The following LMX1A variants were observed in gnomAD, a reference collection of about 807,000 sequenced individuals.
LMX1A encodes LIM homeobox transcription factor 1 alpha.
Under a neutral mutation model 49.1 loss-of-function variants are expected in LMX1A, and 15 were observed. The ratio of observed to expected loss-of-function variants is 0.31; its 90% CI spans 0.20 to 0.47. The LOEUF (loss-of-function observed/expected upper bound fraction) is 0.47, where lower values mean the gene tolerates loss of function less well. Among genes scored for constraint, LMX1A ranks in the 20% least tolerant of loss-of-function variants. The pLI is 1.00. For missense variants in LMX1A, 372 were observed against 475.8 expected (o/e 0.78, Z 2.03); for synonymous variants, 167 against 185.7 (o/e 0.90, Z 0.82).
rs1214573751 is a variant in LMX1A, at chr1:165,356,572, T to C, written c.-240A>G. On this transcript the variant is annotated 5_prime_UTR_variant, in exon 1 of 9. Coordinates refer to ENST00000342310, the MANE Select transcript of LMX1A (RefSeq NM_177398.4). ...GGGACGTGGTCGCGAGCTGCCGGCC[T>C]TCCCGGGACGTCCTACCAGCCCGCG... 6.6e-6 allele frequency: 1 copy of C among 152,180 alleles called. No individual in the cohort carries two copies. Among genetic ancestry groups the C allele is most frequent in the African/African-American group, 2.4e-5 (1 of 41,436 alleles). The allele number at this position is 152,180 out of a possible 1,614,324, so 9.4% of individuals were successfully genotyped here.
At chr1:165,208,284 C>G (rs1557847820) in intron 6 of LMX1A, 152 bp from the exon 7 acceptor site, 2 of 634,524 alleles carry the variant, frequency 3.2e-6, no homozygotes, top group East Asian at 2.7e-5. Flanking sequence ...GTGGCCAGCC[C>G]CATATGCGAG....
chr1:165,350,738 T>C (rs1249528298), intron 3 of LMX1A, among the ~76,000 whole-genome samples: 1 of 152,196 alleles, frequency 6.6e-6, no homozygotes, highest in East Asian at 1.9e-4. Context: ...AAGCAACTGA[T>C]GGGCTAAGCA....
chr1:165,210,414 C>T (rs1368270295), intron 6 of LMX1A, among the ~76,000 whole-genome samples: 1 of 152,150 alleles, frequency 6.6e-6, no homozygotes, highest in Non-Finnish European at 1.5e-5. Flanking sequence ...CATGCTTTTA[C>T]CAAAAGACAC....
At chr1:165,338,689 C>T (rs762774365) in intron 3 of LMX1A, among the ~76,000 whole-genome samples, 1 of 152,198 alleles carries the variant, frequency 6.6e-6, no homozygotes, top group Non-Finnish European at 1.5e-5. Flanking sequence ...TAGAAAAATC[C>T]ATTCCATGAA....
chr1:165,345,344 T>A (rs937895405), intron 3 of LMX1A, among the ~76,000 whole-genome samples: 6 of 152,166 alleles, frequency 3.9e-5, no homozygotes, highest in Non-Finnish European at 8.8e-5. Flanking sequence ...AACCTGGTGC[T>A]AAGAGATGAA....
intron 3 of LMX1A, among the ~76,000 whole-genome samples, chr1:165,304,203 C>T (rs1208723818): frequency 2.0e-5 from 3 of 151,984 alleles, no homozygotes; most frequent in African/African-American, 7.3e-5. Flanking sequence ...AAAGTGGGAA[C>T]AATAATAGAG....
At chr1:165,292,861 G>A (rs924189178) in intron 3 of LMX1A, among the ~76,000 whole-genome samples, 1 of 152,138 alleles carries the variant, frequency 6.6e-6, no homozygotes, top group East Asian at 1.9e-4. Flanking sequence ...GCTCACGCCT[G>A]TAATCCCAGC....
intron 3 of LMX1A, among the ~76,000 whole-genome samples, chr1:165,280,906 C>T (rs759807095): frequency 6.6e-6 from 1 of 152,016 alleles, no homozygotes; most frequent in Non-Finnish European, 1.5e-5. Flanking sequence ...GCCTTCGTAA[C>T]AGTCAATGGG....
intron 8 of LMX1A, among the ~76,000 whole-genome samples, chr1:165,204,664 T>C (rs1650999371): frequency 6.6e-6 from 1 of 152,146 alleles, no homozygotes; most frequent in South Asian, 2.1e-4. Flanking sequence ...TTCAAGTAAA[T>C]AGGAGAGGTG....
chr1:165,354,235 C>T (rs1656524157), intron 2 of LMX1A, among the ~76,000 whole-genome samples: 2 of 152,212 alleles, frequency 1.3e-5, no homozygotes, highest in Admixed American at 1.3e-4. Flanking sequence ...CTGCACTCTT[C>T]TCATTCTCCC....
chr1:165,222,108 C>T (rs1651873174), intron 4 of LMX1A, among the ~76,000 whole-genome samples: 1 of 152,172 alleles, frequency 6.6e-6, no homozygotes, highest in Admixed American at 6.5e-5. Context: ...GTCAGAACTG[C>T]AAATACTGGC....
chr1:165,242,985 G>T (rs1032849955), intron 4 of LMX1A, among the ~76,000 whole-genome samples: 2 of 150,508 alleles, frequency 1.3e-5, no homozygotes, highest in Admixed American at 6.6e-5. Flanking sequence ...GCAGCACGAT[G>T]TACTGGATTC....
At chr1:165,292,786 T>A (rs1654510760) in intron 3 of LMX1A, among the ~76,000 whole-genome samples, 1 of 152,156 alleles carries the variant, frequency 6.6e-6, no homozygotes, top group Admixed American at 6.5e-5. Flanking sequence ...TCTGTTGTCT[T>A]GGGCTTTACC....
At chr1:165,208,218 C>T (rs558377336) in intron 6 of LMX1A, 86 bp from the exon 7 acceptor site, 5 of 1,239,810 alleles carry the variant, frequency 4.0e-6, no homozygotes, top group African/African-American at 1.5e-5. Flanking sequence ...GTGACACCTT[C>T]CCCGGGAGAG....
chr1:165,221,625 A>G (rs934319752), intron 4 of LMX1A, among the ~76,000 whole-genome samples: 1 of 152,170 alleles, frequency 6.6e-6, no homozygotes, highest in Non-Finnish European at 1.5e-5. Flanking sequence ...CGGGCAGGTC[A>G]GAGGCAGGGC....
intron 4 of LMX1A, among the ~76,000 whole-genome samples, chr1:165,215,796 C>G (rs1461845342): frequency 6.6e-6 from 1 of 152,176 alleles, no homozygotes; most frequent in Admixed American, 6.5e-5. Context: ...AGGTTTCCAT[C>G]CCAGTTCTGA....
intron 3 of LMX1A, among the ~76,000 whole-genome samples, chr1:165,305,696 T>TA (rs1457654351): frequency 1.5e-4 from 23 of 152,312 alleles, no homozygotes; most frequent in African/African-American, 5.5e-4. Flanking sequence ...CTGACAAAAG[T>TA]ACTGGCAGTA....
chr1:165,231,989 A>G (rs1371849203), intron 4 of LMX1A, among the ~76,000 whole-genome samples: 1 of 152,230 alleles, frequency 6.6e-6, no homozygotes, highest in East Asian at 1.9e-4. Flanking sequence ...TACTCTTGAG[A>G]GCATTCTATC....
intron 3 of LMX1A, among the ~76,000 whole-genome samples, chr1:165,255,146 T>C (rs1653192018): frequency 1.3e-5 from 2 of 152,162 alleles, no homozygotes; most frequent in African/African-American, 4.8e-5. Flanking sequence ...TCTAAATAAA[T>C]GACCTCAGTA....
Sources: allele counts gnomAD v4.1 joint callset (sites outside exome capture counted in the v4.1 genomes callset), GRCh38; gene constraint gnomAD v4.1.1; transcripts MANE v1.5; gene names NCBI Gene and HGNC (gene_info 2026-07-23, HGNC 2026-07-21).